The following TGFB3 variants were observed in gnomAD, a reference collection of about 807,000 sequenced individuals.
TGFB3 encodes transforming growth factor beta-3 proprotein.
A neutral mutation model predicts 40.1 loss-of-function variants in TGFB3; 5 were observed. That is an observed-to-expected ratio of 0.12 (90% CI 0.07 to 0.26). The LOEUF (loss-of-function observed/expected upper bound fraction) is 0.26. Ranked by LOEUF, TGFB3 falls within the 10% of genes least tolerant of loss-of-function variation. The pLI, the probability that TGFB3 is intolerant of heterozygous loss-of-function variation, is 1.00. For synonymous variants in TGFB3, 184 were observed against 205.6 expected (o/e 0.89, Z 0.90); for missense variants, 373 against 530.1 (o/e 0.70, Z 2.91).
Position 75,971,351 on chromosome 14 carries a change from C to G in TGFB3, c.517-96G>C. On this transcript the variant is annotated intron_variant, in intron 2 of 6. Transcript: ENST00000238682. This position sits in a 1 kb window ranked among gnomAD's most constrained non-coding sequence, Gnocchi z 4.5. ...GCACAGGTGAGGGAGCGATAGGAAA[C>G]CAGTGGTTCCTGAATGCCATGGCCC... 6.3e-7 allele frequency: 1 copy of G among 1,592,950 alleles called. No homozygotes were observed. Among genetic ancestry groups the G allele is most frequent in the Non-Finnish European group, 8.6e-7 (1 of 1,166,992 alleles).
At position 75,959,240 on chromosome 14, in the gene TGFB3, G is replaced by A. The variant is rs899613458; in HGVS notation, c.1186C>T (p.Pro396Ser). 1.2e-6 allele frequency: 2 copies of A among 1,614,132 alleles called. No homozygotes were observed. Among genetic ancestry groups the A allele is most frequent in the Non-Finnish European group, 1.7e-6 (2 of 1,180,014 alleles). The change falls in exon 7 of 7, where the codon CCC (proline) becomes TCC (serine). Residue 396 changes from proline to serine, a missense_variant. Pro to Ser is a moderately conservative substitution (Grantham distance 74). Coordinates refer to ENST00000238682, the MANE Select transcript of TGFB3 (RefSeq NM_003239.5). ...LTILYYVGRT[P>S]KVEQLSNMVV... Reference sequence around the variant, plus strand: ...ATGTTGGAGAGCTGCTCCACTTTGGGGGTCCTCCCAACATAGTACAGGATG... The same window carrying A: ...ATGTTGGAGAGCTGCTCCACTTTGGAGGTCCTCCCAACATAGTACAGGATG...
chr14:75,963,072 T>G, intron 5 of TGFB3: 1 of 596,528 alleles, frequency 1.7e-6, no homozygotes, highest in Non-Finnish European at 3.0e-6. Context: ...CACAGAGTTT[T>G]CCTCATTTAC....
chr14:75,964,355 TAG>T (rs1317240755), intron 4 of TGFB3, among the ~76,000 whole-genome samples: 1 of 152,196 alleles, frequency 6.6e-6, no homozygotes, highest in Non-Finnish European at 1.5e-5. Context: ...ACATTGCACT[TAG>T]AGTCTTTGAA....
intron 3 of TGFB3, among the ~76,000 whole-genome samples, chr14:75,969,177 G>A (rs1212728735): frequency 6.6e-6 from 1 of 152,198 alleles, no homozygotes; most frequent in East Asian, 1.9e-4. Context: ...TGTAAGCTCT[G>A]CCTTTGAGCT....
At chr14:75,970,972 T>G in intron 3 of TGFB3, 154 bp downstream of exon 3, 1 of 1,063,554 alleles carries the variant, frequency 9.4e-7, no homozygotes, top group South Asian at 1.3e-5. Flanking sequence ...TAATAAACAT[T>G]AGTTGAGTGA....
At position 75,981,225 on chromosome 14, in the gene TGFB3, T is replaced by G; in HGVS notation, c.-332A>C. Reference sequence around the variant, plus strand: ...GGAGGGGTGGCAAGGCAGCTGGGAGTGGGAAGGGAGCTGGAGTTTTTCCTT... The same window carrying G: ...GGAGGGGTGGCAAGGCAGCTGGGAGGGGGAAGGGAGCTGGAGTTTTTCCTT... On this transcript the variant is annotated 5_prime_UTR_variant, in exon 1 of 7. Coordinates refer to ENST00000238682, the MANE Select transcript of TGFB3 (RefSeq NM_003239.5). The surrounding 1 kb of genome is among the most constrained non-coding windows in gnomAD (Gnocchi z 4.7). The G allele has an allele frequency of 2.4e-6, 1 of 408,384 alleles. No homozygotes were observed. Among genetic ancestry groups the G allele is most frequent in the African/African-American group, 2.1e-5 (1 of 48,556 alleles). 25.3% of individuals were successfully genotyped at this position (408,384 alleles called of 1,614,324 possible). A position where few individuals can be genotyped will look rare whatever the true frequency, so the allele number is the denominator to read the frequency against.
At chr14:75,963,236 G>A in intron 5 of TGFB3, 80 bp downstream of exon 5, 7 of 1,535,022 alleles carry the variant, frequency 4.6e-6, no homozygotes, top group Non-Finnish European at 6.3e-6. Flanking sequence ...TGTTGAGTGT[G>A]GCTTGGCTCT....
chr14:75,965,025 C>T (rs1024060496), intron 4 of TGFB3, among the ~76,000 whole-genome samples: 7 of 152,200 alleles, frequency 4.6e-5, no homozygotes, highest in African/African-American at 1.4e-4. Flanking sequence ...CCAGAAATGA[C>T]TCTCAACGAC....
At chr14:75,959,551 TTCAGG>T in intron 6 of TGFB3, among the ~76,000 whole-genome samples, 1 of 152,162 alleles carries the variant, frequency 6.6e-6, no homozygotes, top group Non-Finnish European at 1.5e-5. Context: ...GGCAGATCAC[TTCAGG>T]TCAGGAGTTT....
chr14:75,974,764 C>CAA (rs763057157), intron 1 of TGFB3, among the ~76,000 whole-genome samples: 3,237 of 110,528 alleles, frequency 0.029, 96 homozygotes, highest in Middle Eastern at 0.042. Flanking sequence ...GACTCCATCT[C>CAA]AAAAAAAAAA....
At chr14:75,977,060 T>C (rs1011942948) in intron 1 of TGFB3, among the ~76,000 whole-genome samples, 8 of 152,218 alleles carry the variant, frequency 5.3e-5, no homozygotes, top group African/African-American at 1.7e-4. Context: ...ACCTCTACTG[T>C]GCAGAGGGCA....
intron 1 of TGFB3, among the ~76,000 whole-genome samples, chr14:75,974,814 T>C (rs2035334095): frequency 6.7e-6 from 1 of 148,946 alleles, no homozygotes; most frequent in African/African-American, 2.5e-5. Context: ...CAGCCAGGCA[T>C]GGTGGCTCAC....
intron 1 of TGFB3, among the ~76,000 whole-genome samples, chr14:75,972,888 A>C (rs2035310663): frequency 6.6e-6 from 1 of 152,218 alleles, no homozygotes; most frequent in South Asian, 2.1e-4. Context: ...AGAAACACAG[A>C]TGCTTCCTCT....
Position 75,971,633 on chromosome 14 carries a change from T to C in TGFB3, c.438A>G (p.Leu146=), listed in dbSNP as rs2140245833. Residue 146 remains leucine, a synonymous_variant, in exon 2 of 7, where the codon CTA becomes CTG. Transcript: ENST00000238682. The surrounding 1 kb of genome is among the most constrained non-coding windows in gnomAD (Gnocchi z 4.5). The stretch of plus-strand genomic sequence containing the variant: ...GCAAGACCCGGAATTCTGCTCGGAA[T>C]AGGTTGGTTCTATTTTTCTCCACTG... ...VSSVEKNRTN[L]FRAEFRVLRV... is the part of the protein sequence containing the mutation. 1 of 1,614,228 alleles carries C rather than the reference T, an allele frequency of 6.2e-7. No homozygotes were observed. Among genetic ancestry groups the C allele is most frequent in the South Asian group, 1.1e-5 (1 of 91,076 alleles).
Position 75,980,884 on chromosome 14 carries a change from G to A in TGFB3, c.10C>T (p.His4Tyr), listed in dbSNP as rs997664741. The A allele has an allele frequency of 1.2e-6, 2 of 1,613,990 alleles. No individual in the cohort carries two copies. Among genetic ancestry groups the A allele is most frequent in the African/African-American group, 2.7e-5 (2 of 74,924 alleles). MKM[H>Y]LQRALVVLAL... ...AGGACCACCAGAGCCCTTTGCAAGT[G>A]CATCTTCATGTGTGAGCTGGGAAGA... The change falls in exon 1 of 7, where the codon CAC (histidine) becomes TAC (tyrosine). Residue 4 changes from histidine to tyrosine, a missense_variant. Physicochemically the swap from His to Tyr is moderately conservative, Grantham distance 83. Coordinates refer to ENST00000238682, the MANE Select transcript of TGFB3 (RefSeq NM_003239.5). The surrounding 1 kb of genome is among the most constrained non-coding windows in gnomAD (Gnocchi z 4.3).
intron 6 of TGFB3, among the ~76,000 whole-genome samples, chr14:75,959,806 T>G (rs1385243691): frequency 6.6e-6 from 1 of 151,378 alleles, no homozygotes; most frequent in Non-Finnish European, 1.5e-5. Flanking sequence ...GGAACCTGGT[T>G]TGGGTGAGTG....
Position 75,979,650 on chromosome 14 carries a change from C to T in TGFB3, c.352+892G>A, listed in dbSNP as rs1040333444. 4.9e-4 allele frequency among the ~76,000 whole-genome samples: 75 copies of T among 152,118 alleles called. No homozygotes were observed. Among genetic ancestry groups the T allele is most frequent in the Non-Finnish European group, 5.0e-4 (34 of 68,032 alleles). On this transcript the variant is annotated intron_variant, in intron 1 of 6. Transcript: ENST00000238682. The surrounding 1 kb of genome is among the most constrained non-coding windows in gnomAD (Gnocchi z 4.8). ...CATCTCGCCCAGAAGCCGCCCGGCT[C>T]CTCCATGCAGACAGAGCCTCCTGGG... is the stretch of plus-strand genomic sequence containing the variant.
intron 1 of TGFB3, among the ~76,000 whole-genome samples, chr14:75,975,802 A>T (rs964412562): frequency 7.9e-5 from 12 of 152,216 alleles, no homozygotes; most frequent in Non-Finnish European, 1.6e-4. Context: ...AAAATATGGC[A>T]AGATTCCACT....
intron 1 of TGFB3, among the ~76,000 whole-genome samples, chr14:75,974,875 G>C (rs2035334797): frequency 6.6e-6 from 1 of 151,854 alleles, no homozygotes; most frequent in East Asian, 1.9e-4. Context: ...TGGATTGCTT[G>C]AGCTCAGGTG....
Sources: gnomAD v4.1 joint callset for allele counts (sites outside exome capture counted in the v4.1 genomes callset) on GRCh38, gnomAD v4.1.1 for gene constraint, Gnocchi (gnomAD v3.1) non-coding constraint, MANE v1.5 for transcripts, NCBI Gene and HGNC (gene_info 2026-07-23, HGNC 2026-07-21) for gene names.